Variants in SLIT3 observed in about 807,000 individuals in gnomAD.
SLIT3 encodes the protein slit homolog 3 protein.
SLIT3 carries 68 observed loss-of-function variants against 184.0 expected under a neutral mutation model. That is an observed-to-expected ratio of 0.37 (90% CI 0.30 to 0.45). The LOEUF (loss-of-function observed/expected upper bound fraction) is 0.45. Among genes scored for constraint, SLIT3 ranks in the 20% least tolerant of loss-of-function variants. The pLI is 1.00. For synonymous variants in SLIT3, 831 were observed against 828.6 expected (o/e 1.00, Z -0.05); for missense variants, 1,707 against 2,026.0 (o/e 0.84, Z 3.02).
Position 168,686,962 on chromosome 5 carries a change from G to A in SLIT3, c.3314+17C>T. 6.2e-7 allele frequency: 1 copy of A among 1,609,724 alleles called. No homozygotes were observed. The highest frequency in any genetic ancestry group is 8.5e-7 in the Non-Finnish European group (1 of 1,176,402). ...TGGCCCAGGCTGTCTCCTTCCTGAG[G>A]TGCCCTCCTGCCTTACCTGAAGCCC... On this transcript the variant is annotated intron_variant, in intron 30 of 35. Coordinates refer to ENST00000519560, the MANE Select transcript of SLIT3 (RefSeq NM_003062.4).
At chr5:168,894,523 C>A (rs186290190) in intron 4 of SLIT3, among the ~76,000 whole-genome samples, 1 of 152,292 alleles carries the variant, frequency 6.6e-6, no homozygotes, top group East Asian at 1.9e-4. Context: ...TCTACCTCTA[C>A]AACCCTGGTG....
chr5:168,933,635 T>G (rs1363163601), intron 4 of SLIT3, among the ~76,000 whole-genome samples: 5 of 152,202 alleles, frequency 3.3e-5, no homozygotes, highest in East Asian at 1.9e-4. Flanking sequence ...GCTGGGTACC[T>G]TCTCCTAAAA....
At chr5:169,157,722 G>A (rs576107090) in intron 4 of SLIT3, among the ~76,000 whole-genome samples, 1 of 152,244 alleles carries the variant, frequency 6.6e-6, no homozygotes, top group Admixed American at 6.5e-5. Flanking sequence ...ATCAAAAGAT[G>A]CCACCACTGA....
chr5:168,971,747 C>T (rs1754583955), intron 4 of SLIT3, among the ~76,000 whole-genome samples: 1 of 152,220 alleles, frequency 6.6e-6, no homozygotes, highest in Admixed American at 6.5e-5. Flanking sequence ...GCCCTCTGCT[C>T]CATAGAAATG....
chr5:169,191,259 A>G (rs1451144557), intron 4 of SLIT3, among the ~76,000 whole-genome samples: 2 of 152,218 alleles, frequency 1.3e-5, no homozygotes, highest in Non-Finnish European at 2.9e-5. Context: ...CCATTCAACC[A>G]TCACTGATGG....
At chr5:169,089,882 C>T (rs554932267) in intron 4 of SLIT3, among the ~76,000 whole-genome samples, 2 of 152,338 alleles carry the variant, frequency 1.3e-5, no homozygotes, top group East Asian at 1.9e-4. Flanking sequence ...ACCACTATAA[C>T]TCATGGCACG....
intron 4 of SLIT3, among the ~76,000 whole-genome samples, chr5:169,097,462 G>A (rs1759831699): frequency 1.3e-5 from 2 of 152,144 alleles, no homozygotes; most frequent in Admixed American, 6.5e-5. Flanking sequence ...AAGGAAGAAA[G>A]GGAAGGAGGG....
chr5:169,130,966 GA>G (rs959477832), intron 4 of SLIT3, among the ~76,000 whole-genome samples: 2 of 151,870 alleles, frequency 1.3e-5, no homozygotes, highest in Non-Finnish European at 2.9e-5. Flanking sequence ...TTTAAGTGGT[GA>G]AAAAAAATCA....
intron 6 of SLIT3, among the ~76,000 whole-genome samples, chr5:168,826,171 C>G (rs1757698869): frequency 6.6e-6 from 1 of 152,216 alleles, no homozygotes; most frequent in South Asian, 2.1e-4. Context: ...TAATGTATTA[C>G]TACACTGATA....
rs7712362 is a variant in SLIT3, at chr5:168,789,880, T to C, written c.1008-249A>G. ...AGAATACTCACCCGTGGCATCTTCA[T>C]CGGGACACGAGGCTGTGAACACGTG... is the stretch of plus-strand genomic sequence containing the variant. On this transcript the variant is annotated intron_variant, in intron 10 of 35. Coordinates refer to ENST00000519560, the MANE Select transcript of SLIT3 (RefSeq NM_003062.4). The C allele has an allele frequency of 3.6e-3, 1,650 of 458,768 alleles. 27 individuals carry two copies. Among genetic ancestry groups the C allele is most frequent in the African/African-American group, 0.029 (1,487 of 50,648 alleles). The allele number at this position is 458,768 out of a possible 1,614,324, so 28.4% of individuals were successfully genotyped here. A position where few individuals can be genotyped will look rare whatever the true frequency, so the allele number is the denominator to read the frequency against.
rs1407887835 is a variant in SLIT3 at position 169,300,870 on chromosome 5, AGCGGGGCGCTCCGGGCGGCG to A, written c.-181_-162del. On this transcript the variant is annotated 5_prime_UTR_variant, in exon 1 of 36. It removes the in-frame stop codon of an upstream open reading frame in the 5' UTR. Transcript: ENST00000519560. The surrounding 1 kb of genome is among the most constrained non-coding windows in gnomAD (Gnocchi z 4.1). ...GCTCAGGCGCACGGGGCGCGGGCGG[AGCGGGGCGCTCCGGGCGGCG>A]GCGGCGGCAGCAACAGCAGCTCCAT... 5.4e-5 allele frequency: 32 copies of A among 594,396 alleles called. No homozygotes were observed. Among genetic ancestry groups the A allele is most frequent in the Non-Finnish European group, 7.5e-5 (32 of 425,370 alleles). The allele number at this position is 594,396 out of a possible 1,614,324, so 36.8% of individuals were successfully genotyped here.
chr5:169,002,337 AAAAAAAAAAAAAAAAAAAG>A (rs1401959080), intron 4 of SLIT3, among the ~76,000 whole-genome samples: 357 of 146,964 alleles, frequency 2.4e-3, no homozygotes, highest in Non-Finnish European at 4.3e-3. Flanking sequence ...AAAAAAAAAA[AAAAAAAAAAAAAAAAAAAG>A]AAAAAAAGAA....
rs1417754102 is a variant in SLIT3, at chr5:168,695,507, A to T, written c.3082+785T>A. Among the ~76,000 whole-genome samples the T allele has an allele frequency of 2.6e-5, 4 of 152,252 alleles. No individual in the cohort carries two copies. In the East Asian group the frequency reaches 7.7e-4, roughly 29 times the overall value. On this transcript the variant is annotated intron_variant, in intron 28 of 35. Coordinates refer to ENST00000519560, the MANE Select transcript of SLIT3 (RefSeq NM_003062.4). ...TTCCCAAACTTCTTGTCTCATGGGG[A>T]TTTTTCCTCAAATTCATGGAATTCC... is the stretch of plus-strand genomic sequence containing the variant.
intron 4 of SLIT3, among the ~76,000 whole-genome samples, chr5:168,927,621 C>T: frequency 6.6e-6 from 1 of 152,250 alleles, no homozygotes; most frequent in Non-Finnish European, 1.5e-5. Context: ...ACTTCACCCA[C>T]TGCTTCTTCC....
chr5:169,244,129 C>T (rs1025720279), intron 3 of SLIT3, among the ~76,000 whole-genome samples: 1 of 152,266 alleles, frequency 6.6e-6, no homozygotes, highest in South Asian at 2.1e-4. Context: ...AGAACAGTGG[C>T]CTATTTTTAA....
Position 168,785,913 on chromosome 5 carries a change from T to C in SLIT3, c.1145A>G (p.Gln382Arg), listed in dbSNP as rs780926625. The change falls in exon 12 of 36, where the codon CAG becomes CGG. Residue 382 changes from glutamine (Q) to arginine (R), a missense_variant. Coordinates refer to ENST00000519560, the MANE Select transcript of SLIT3 (RefSeq NM_003062.4). The part of the protein sequence containing the change: ...KGLFDGLVSL[Q>R]LLLLNANKIN... ...TGACAAAGTTCCTACTCACAGCAGC[T>C]GTAGGGACACCAGCCCATCAAACAG... is the stretch of plus-strand genomic sequence containing the variant. The C allele has an allele frequency of 6.5e-5, 104 of 1,611,184 alleles. No individual in the cohort carries two copies. The highest frequency in any genetic ancestry group is 3.3e-4 in the Middle Eastern group (2 of 6,082).
At chr5:168,892,728 C>A (rs1760513987) in intron 4 of SLIT3, among the ~76,000 whole-genome samples, 2 of 152,234 alleles carry the variant, frequency 1.3e-5, no homozygotes, top group African/African-American at 4.8e-5. Context: ...AAGCTTTCTT[C>A]ATTTAATTAT....
At chr5:169,210,498 T>A (rs1181423284) in intron 3 of SLIT3, among the ~76,000 whole-genome samples, 1 of 152,152 alleles carries the variant, frequency 6.6e-6, no homozygotes, top group Non-Finnish European at 1.5e-5. Context: ...AGGTATAGAA[T>A]GTACTGGCAC....
In SLIT3 at chr5:169,129,829, T is replaced by TGTTG. The variant is rs1761230667; in HGVS notation, c.413+63649_413+63650insCAAC. 2.4e-5 allele frequency among the ~76,000 whole-genome samples: 3 copies of TGTTG among 127,124 alleles called. 1 individual carries two copies. Among genetic ancestry groups the TGTTG allele is most frequent in the Non-Finnish European group, 4.9e-5 (3 of 61,674 alleles). 83.4% of individuals were successfully genotyped at this position (127,124 alleles called of 152,430 possible). A position where few individuals can be genotyped will look rare whatever the true frequency, so the allele number is the denominator to read the frequency against. ...TGCCAGTTTCTTTGGTGGTTTTTTT[T>TGTTG]GTTTGTTTGTTTGTTTGTTTGTTTG... On this transcript the variant is annotated intron_variant, in intron 4 of 35. Coordinates refer to ENST00000519560, the MANE Select transcript of SLIT3 (RefSeq NM_003062.4).
Sources: allele counts gnomAD v4.1 joint callset (sites outside exome capture counted in the v4.1 genomes callset), GRCh38; gene constraint gnomAD v4.1.1; non-coding constraint Gnocchi (gnomAD v3.1); transcripts MANE v1.5; gene names NCBI Gene and HGNC (gene_info 2026-07-23, HGNC 2026-07-21).